Variants in KCNG3 observed in about 807,000 individuals in gnomAD.
KCNG3 encodes the protein voltage-gated potassium channel regulatory subunit KCNG3.
In KCNG3, 15 loss-of-function variants were observed where a neutral mutation model predicts 29.0. The ratio of observed to expected loss-of-function variants is 0.52; its 90% CI spans 0.35 to 0.80. KCNG3 has a LOEUF of 0.80. KCNG3 is among the 30% of genes least tolerant of loss of function. KCNG3 has a pLI of 0.01. For synonymous variants in KCNG3, 322 were observed against 248.9 expected (o/e 1.29, Z -2.76); for missense variants, 512 against 605.7 (o/e 0.85, Z 1.62).
chr2:42,408,471 T>C, the KCNG3 span, among the ~76,000 whole-genome samples: 1 of 152,084 alleles, frequency 6.6e-6, no homozygotes, highest in Non-Finnish European at 1.5e-5. Flanking sequence ...AGAGAGGAGC[T>C]ACCCACTCCA....
intron 1 of KCNG3, among the ~76,000 whole-genome samples, chr2:42,453,201 GGTATACACCCACTC>G (rs1672804558): frequency 6.6e-6 from 1 of 152,092 alleles, no homozygotes; most frequent in Non-Finnish European, 1.5e-5. Context: ...CTTTCTGTTG[GGTATACACCCACTC>G]AACAGTGGGA....
intron 1 of KCNG3, among the ~76,000 whole-genome samples, chr2:42,469,640 A>C (rs1376973674): frequency 6.6e-6 from 1 of 152,108 alleles, no homozygotes; most frequent in Non-Finnish European, 1.5e-5. Flanking sequence ...TAAGTAAATT[A>C]TTTATAAATA....
At chr2:42,460,018 T>C (rs1247681753) in intron 1 of KCNG3, among the ~76,000 whole-genome samples, 4 of 149,852 alleles carry the variant, frequency 2.7e-5, no homozygotes, top group South Asian at 4.2e-4. Flanking sequence ...GGAAACCAGA[T>C]GAAGGGTAAA....
At chr2:42,412,288 G>A in the KCNG3 span, among the ~76,000 whole-genome samples, 1 of 152,154 alleles carries the variant, frequency 6.6e-6, no homozygotes, top group African/African-American at 2.4e-5. Flanking sequence ...ACTGTTACAA[G>A]CAATTTTTCA....
chr2:42,451,860 A>G (rs1338707137), intron 1 of KCNG3, among the ~76,000 whole-genome samples: 1 of 151,912 alleles, frequency 6.6e-6, no homozygotes, highest in Non-Finnish European at 1.5e-5. Flanking sequence ...TGATCTTGCC[A>G]CTACACTCCA....
the KCNG3 span, among the ~76,000 whole-genome samples, chr2:42,406,405 G>T: frequency 5.3e-5 from 8 of 151,196 alleles, no homozygotes; most frequent in African/African-American, 1.2e-4. Flanking sequence ...TTTTAGTAGA[G>T]ATGAGGTTTT....
At chr2:42,435,410 A>T in the KCNG3 span, among the ~76,000 whole-genome samples, 1 of 152,232 alleles carries the variant, frequency 6.6e-6, no homozygotes, top group South Asian at 2.1e-4. Flanking sequence ...AAGAGAAAAA[A>T]CAGATAAATT....
intron 1 of KCNG3, among the ~76,000 whole-genome samples, chr2:42,489,671 A>C (rs1673824157): frequency 6.7e-6 from 1 of 150,206 alleles, no homozygotes; most frequent in East Asian, 2.0e-4. Flanking sequence ...GAATAATCCA[A>C]TTTCAGCAGG....
the KCNG3 span, among the ~76,000 whole-genome samples, chr2:42,408,906 T>C: frequency 2.7e-3 from 415 of 152,278 alleles, 2 homozygotes; most frequent in African/African-American, 8.5e-3. Flanking sequence ...TTTGGGGCCC[T>C]GCTGTTCCTG....
chr2:42,473,308 T>C (rs992392901), intron 1 of KCNG3, among the ~76,000 whole-genome samples: 1 of 152,148 alleles, frequency 6.6e-6, no homozygotes, highest in African/African-American at 2.4e-5. Context: ...TAATGACTTT[T>C]ATGCATAATT....
Position 42,444,578 on chromosome 2 carries a change from T to G in KCNG3, c.667A>C (p.Ile223Leu). 1.3e-6 allele frequency: 2 copies of G among 1,598,714 alleles called. No individual in the cohort carries two copies. Among genetic ancestry groups the G allele is most frequent in the Non-Finnish European group, 1.7e-6 (2 of 1,172,818 alleles). The change falls in exon 2 of 2, where the codon ATA (isoleucine) becomes CTA (leucine). Residue 223 changes from isoleucine (I) to leucine (L), a missense_variant and splice_region_variant. Ile to Leu is a conservative substitution (Grantham distance 5). This residue lies in a region of KCNG3 where 228 missense variants were observed against 200.0 expected (regional missense o/e 1.14). Transcript: ENST00000306078. The surrounding 1 kb of genome is among the most constrained non-coding windows in gnomAD (Gnocchi z 5.8). ...CAACCTATGCAGATAGCTTCAATTA[T>G]CCTGTCAAGAGAACAAAAGAAGAAT... is the stretch of plus-strand genomic sequence containing the variant. ...SAGPGREPSG[I>L]IEAICIGWFT... is the part of the protein sequence containing the mutation.
At chr2:42,475,228 G>C (rs981086103) in intron 1 of KCNG3, among the ~76,000 whole-genome samples, 22 of 152,208 alleles carry the variant, frequency 1.4e-4, no homozygotes, top group African/African-American at 5.3e-4. Context: ...GAGAGGCTGA[G>C]GCAGGAGGAT....
At chr2:42,417,643 C>T in the KCNG3 span, among the ~76,000 whole-genome samples, 308 of 152,186 alleles carry the variant, frequency 2.0e-3, 1 homozygote, top group African/African-American at 6.1e-3. Flanking sequence ...TAGAAAATTA[C>T]GTGCTCATTG....
the KCNG3 span, among the ~76,000 whole-genome samples, chr2:42,401,831 C>A: frequency 6.6e-6 from 1 of 152,100 alleles, no homozygotes; most frequent in African/African-American, 2.4e-5. Flanking sequence ...TTTCAGTGAG[C>A]CAAGCTTGCG....
the KCNG3 span, among the ~76,000 whole-genome samples, chr2:42,392,852 G>C: frequency 6.6e-6 from 1 of 152,122 alleles, no homozygotes; most frequent in East Asian, 1.9e-4. Flanking sequence ...ATACAACAAC[G>C]TGAGTTTCAA....
chr2:42,432,397 G>C, the KCNG3 span, among the ~76,000 whole-genome samples: 1 of 152,158 alleles, frequency 6.6e-6, no homozygotes, highest in Non-Finnish European at 1.5e-5. Context: ...AAACACTGTT[G>C]GGAAATCCAG....
the KCNG3 span, among the ~76,000 whole-genome samples, chr2:42,394,704 T>C: frequency 4.6e-5 from 7 of 152,182 alleles, no homozygotes; most frequent in Non-Finnish European, 1.0e-4. Flanking sequence ...CTTTCCAAAC[T>C]GAACCAACAT....
the KCNG3 span, among the ~76,000 whole-genome samples, chr2:42,429,278 G>A: frequency 6.6e-6 from 1 of 152,242 alleles, no homozygotes; most frequent in South Asian, 2.1e-4. Context: ...TACCAAGGTA[G>A]ATGCTCCTTT....
Position 42,444,255 on chromosome 2 carries a change from A to G in KCNG3, c.990T>C (p.Ile330=). 6.2e-7 allele frequency: 1 copy of G among 1,614,188 alleles called. No homozygotes were observed. The highest frequency in any genetic ancestry group is 8.5e-7 in the Non-Finnish European group (1 of 1,180,026). ...CACTAAAGATTGCCATGGCAACACAAATGAAGACAAGTAACATAACCATCT... is the reference window on the plus strand; with the variant it reads ...CACTAAAGATTGCCATGGCAACACAGATGAAGACAAGTAACATAACCATCT... The part of the protein sequence containing the change: ...YREMVMLLVF[I]CVAMAIFSAL... The change falls in exon 2 of 2, where the codon ATT becomes ATC. Residue 330 remains isoleucine (I), a synonymous_variant. Transcript: ENST00000306078. The surrounding 1 kb of genome is among the most constrained non-coding windows in gnomAD (Gnocchi z 5.8).
Sources: gnomAD v4.1 joint callset for allele counts (sites outside exome capture counted in the v4.1 genomes callset) on GRCh38, gnomAD v4.1.1 for gene constraint, gnomAD v4.1.1 regional missense constraint, Gnocchi (gnomAD v3.1) non-coding constraint, MANE v1.5 for transcripts, NCBI Gene and HGNC (gene_info 2026-07-23, HGNC 2026-07-21) for gene names.